The following CYP2F1 variants were observed in gnomAD, a reference collection of about 807,000 sequenced individuals.
CYP2F1 encodes cytochrome P450 family 2 subfamily F member 1.
CYP2F1 carries 33 observed loss-of-function variants against 40.4 expected under a neutral mutation model. The observed-to-expected ratio is 0.82, with a 90% CI of 0.62 to 1.09. The LOEUF (loss-of-function observed/expected upper bound fraction) is 1.09. Ranked by LOEUF, CYP2F1 falls within the 50% of genes least tolerant of loss-of-function variation. The pLI is 0.00. For missense variants in CYP2F1, 566 were observed against 655.7 expected (o/e 0.86, Z 1.49); for synonymous variants, 235 against 277.2 (o/e 0.85, Z 1.51).
At position 41,125,530 on chromosome 19, in the gene CYP2F1, A is replaced by G; in HGVS notation, c.1190A>G (p.Tyr397Cys). 2 of 1,591,200 alleles carry G rather than the reference A, an allele frequency of 1.3e-6. No homozygotes were observed. Among genetic ancestry groups the G allele is most frequent in the East Asian group, 2.2e-5 (1 of 44,680 alleles). Residue 397 changes from tyrosine (Y) to cysteine (C), a missense_variant, in exon 9 of 10, where the codon TAC becomes TGC. Physicochemically the swap from Tyr to Cys is radical, Grantham distance 194. Around this residue, in one of 5 missense-constraint regions of CYP2F1, gnomAD observed 27 missense variants for 68.4 expected, o/e 0.39. Transcript: ENST00000331105. ...ATCACCCTCCTTAACACCGTCCACT[A>G]CGACCCCAGCCAGTTCCTGACGCCC... The part of the protein sequence containing the change: ...DVITLLNTVH[Y>C]DPSQFLTPQE...
rs188629119 is a variant in CYP2F1, at chr19:41,122,439, C to T, written c.822+306C>T. 1.2e-4 allele frequency among the ~76,000 whole-genome samples: 19 copies of T among 152,140 alleles called. 1 individual carries two copies. The East Asian group carries it at 3.7e-3, about 29-fold the overall frequency. Reference sequence around the variant, plus strand: ...TTGAGTCCAGGAGTTCGAGACCAGCCTGGACAATATAGTAAGACCCAGTCT... The same window carrying T: ...TTGAGTCCAGGAGTTCGAGACCAGCTTGGACAATATAGTAAGACCCAGTCT... On this transcript the variant is annotated intron_variant, in intron 6 of 9. Coordinates refer to ENST00000331105, the MANE Select transcript of CYP2F1 (RefSeq NM_000774.5).
intron 9 of CYP2F1, among the ~76,000 whole-genome samples, chr19:41,127,399 G>A (rs1364586262): frequency 6.6e-6 from 1 of 152,108 alleles, no homozygotes. Flanking sequence ...GCAGTGGCAC[G>A]ATCATGGCTC....
intron 3 of CYP2F1, among the ~76,000 whole-genome samples, chr19:41,119,614 G>A (rs1293232914): frequency 9.3e-5 from 14 of 150,894 alleles, no homozygotes; most frequent in African/African-American, 2.4e-4. Context: ...GCTTGAACCC[G>A]GGAGGCGGAG....
At position 41,121,563 on chromosome 19, in the gene CYP2F1, C is replaced by G. The variant is rs768303999; in HGVS notation, c.590C>G (p.Thr197Ser). ...GACTATGATGATGAGCGTCTGCTCA[C>G]CATTATCCGCCTTATCAATGACAAC... ...RFDYDDERLL[T>S]IIRLINDNFQ... Residue 197 changes from threonine (T) to serine (S), a missense_variant, in exon 5 of 10, where the codon ACC (threonine) becomes AGC (serine). Physicochemically the swap from Thr to Ser is moderately conservative, Grantham distance 58. Transcript: ENST00000331105. The G allele has an allele frequency of 6.2e-7, 1 of 1,609,914 alleles. No individual in the cohort carries two copies. Among genetic ancestry groups the G allele is most frequent in the Non-Finnish European group, 8.5e-7 (1 of 1,179,436 alleles).
intron 4 of CYP2F1, among the ~76,000 whole-genome samples, chr19:41,121,106 G>T (rs958033946): frequency 3.9e-5 from 6 of 152,028 alleles, no homozygotes; most frequent in Non-Finnish European, 8.8e-5. Context: ...TACTGTGATC[G>T]TATTTGCTGG....
chr19:41,120,152 C>T (rs899997667), intron 3 of CYP2F1, among the ~76,000 whole-genome samples, 195 bp from the exon 4 acceptor site: 2 of 151,912 alleles, frequency 1.3e-5, no homozygotes, highest in Non-Finnish European at 2.9e-5. Flanking sequence ...ATAGGATGGT[C>T]GTGAGGGAAG....
intron 1 of CYP2F1, among the ~76,000 whole-genome samples, chr19:41,114,788 C>CTTTTTTTTT (rs36044091): frequency 2.0e-5 from 2 of 100,008 alleles, no homozygotes; most frequent in Non-Finnish European, 3.8e-5. Flanking sequence ...CTCTCTCTCT[C>CTTTTTTTTT]TTTTTTTTTT....
At position 41,121,963 on chromosome 19, in the gene CYP2F1, G is replaced by A. The variant is rs305974; in HGVS notation, c.652G>A (p.Asp218Asn). 0.33 allele frequency: 525,050 copies of A among 1,600,362 alleles called. 87,811 individuals carry two copies. The highest frequency in any genetic ancestry group is 0.53 in the African/African-American group (39,177 of 74,286). ...IMSSPWGELYDIFPSLLDWVP... is the reference protein window; with the variant it reads ...IMSSPWGELYNIFPSLLDWVP... Reference sequence around the variant, plus strand: ...TACTCTGTCTGGTCCCCAGTTGTACGACATCTTCCCGAGCCTCCTGGACTG... The same window carrying A: ...TACTCTGTCTGGTCCCCAGTTGTACAACATCTTCCCGAGCCTCCTGGACTG... Residue 218 changes from aspartate to asparagine, a missense_variant, in exon 6 of 10, where the codon GAC becomes AAC. By Grantham distance (23) the Asp-to-Asn change is conservative. Transcript: ENST00000331105.
chr19:41,126,698 G>A lies in CYP2F1; in HGVS notation c.1294+1064G>A, dbSNP rs2032558480. 2.0e-5 allele frequency among the ~76,000 whole-genome samples: 3 copies of A among 151,826 alleles called. No individual in the cohort carries two copies. In the South Asian group the frequency reaches 6.2e-4, roughly 32 times the overall value. ...GAGCTCAGGAGTTTGAGGTTACAGT[G>A]AGTATGATCATGCCACTGCACTCCA... On this transcript the variant is annotated intron_variant, in intron 9 of 9. Coordinates refer to ENST00000331105, the MANE Select transcript of CYP2F1 (RefSeq NM_000774.5).
intron 3 of CYP2F1, among the ~76,000 whole-genome samples, chr19:41,119,748 T>TATACACACAC (rs1337166345): frequency 3.6e-4 from 13 of 36,108 alleles, no homozygotes; most frequent in East Asian, 1.2e-3. Flanking sequence ...TATATATATA[T>TATACACACAC]ACACACACAC....
chr19:41,123,034 G>T, intron 7 of CYP2F1, 71 bp downstream of exon 7: 3 of 1,527,096 alleles, frequency 2.0e-6, no homozygotes, highest in Non-Finnish European at 2.7e-6. Flanking sequence ...AGGGAGCCAC[G>T]GCCCCGCCTC....
chr19:41,116,729 C>G, intron 3 of CYP2F1, 112 bp downstream of exon 3: 2 of 1,197,020 alleles, frequency 1.7e-6, no homozygotes, highest in Non-Finnish European at 2.4e-6. Flanking sequence ...GCTGACATCA[C>G]TGATGACACC....
intron 7 of CYP2F1, among the ~76,000 whole-genome samples, chr19:41,124,257 T>TCC (rs1568381454): frequency 9.6e-5 from 2 of 20,760 alleles, no homozygotes; most frequent in African/African-American, 1.7e-4. Context: ...CCCCCCCCCT[T>TCC]TTTTTTTTTT....
intron 3 of CYP2F1, among the ~76,000 whole-genome samples, chr19:41,117,482 C>G (rs996294691): frequency 6.6e-6 from 1 of 152,054 alleles, no homozygotes; most frequent in Non-Finnish European, 1.5e-5. Flanking sequence ...CATCTCCTAA[C>G]CCAATTACCT....
At chr19:41,115,441 C>T (rs1046466258) in intron 1 of CYP2F1, among the ~76,000 whole-genome samples, 7 of 152,268 alleles carry the variant, frequency 4.6e-5, no homozygotes, top group Non-Finnish European at 7.4e-5. Flanking sequence ...TGCTCTCTGG[C>T]TCTCCCTATC....
intron 1 of CYP2F1, among the ~76,000 whole-genome samples, chr19:41,115,935 G>C (rs1229097036): frequency 6.6e-6 from 1 of 151,894 alleles, no homozygotes; most frequent in Non-Finnish European, 1.5e-5. Context: ...CTTAGTCTCT[G>C]TTCCTCTATC....
At chr19:41,119,683 G>GTCTC (rs1159535426) in intron 3 of CYP2F1, among the ~76,000 whole-genome samples, 164 of 13,374 alleles carry the variant, frequency 0.012, 10 homozygotes, top group African/African-American at 0.026. Flanking sequence ...GCAAGACTCC[G>GTCTC]TCTCTCTCTC....
chr19:41,116,307 TG>T lies in CYP2F1; in HGVS notation c.122del (p.Gly41GlufsTer12). ...LPPGPRPLSI[L>X]GNLLLLCSQD... is the part of the protein sequence containing the mutation. Reference sequence around the variant, plus strand: ...CCGGGACCCAGACCCCTCTCAATCCTGGGAAACCTGCTGCTGCTTTGCTCCC... The same window carrying T: ...CCGGGACCCAGACCCCTCTCAATCCTGGAAACCTGCTGCTGCTTTGCTCCC... On this transcript the variant is annotated frameshift_variant, in exon 2 of 10. Transcript: ENST00000331105. LOFTEE classifies it high-confidence loss of function. 1.2e-6 allele frequency: 2 copies of T among 1,614,110 alleles called. No individual in the cohort carries two copies. Among genetic ancestry groups the T allele is most frequent in the Admixed American group, 1.7e-5 (1 of 60,016 alleles).
rs374387876 is a variant in CYP2F1, at chr19:41,124,245, T to TTCCCCC, written c.965-474_965-473insTCCCCC. On this transcript the variant is annotated intron_variant, in intron 7 of 9. Coordinates refer to ENST00000331105, the MANE Select transcript of CYP2F1 (RefSeq NM_000774.5). ...GCTAATTCTTTTTTTTTTTTCCTCT[T>TTCCCCC]CCCCCCCCCCTTTTTTTTTTTTTTT... Among the ~76,000 whole-genome samples, 11 of 29,824 alleles carry TTCCCCC rather than the reference T, an allele frequency of 3.7e-4. 1 individual carries two copies. Among genetic ancestry groups the TTCCCCC allele is most frequent in the African/African-American group, 1.9e-3 (11 of 5,730 alleles). 19.6% of individuals were successfully genotyped at this position (29,824 alleles called of 152,430 possible). A position where few individuals can be genotyped will look rare whatever the true frequency, so the allele number is the denominator to read the frequency against.
Sources: allele counts gnomAD v4.1 joint callset (sites outside exome capture counted in the v4.1 genomes callset), GRCh38; gene constraint gnomAD v4.1.1; regional missense constraint gnomAD v4.1.1; transcripts MANE v1.5; gene names NCBI Gene and HGNC (gene_info 2026-07-23, HGNC 2026-07-21).